JPH1: variants seen among roughly 807,000 people sequenced by gnomAD.
JPH1 encodes junctophilin-1.
Under a neutral mutation model 53.6 loss-of-function variants are expected in JPH1, and 12 were observed. The ratio of observed to expected loss-of-function variants is 0.22; its 90% CI spans 0.14 to 0.36. The LOEUF (loss-of-function observed/expected upper bound fraction) is 0.36. Ranked by LOEUF, JPH1 falls within the 10% of genes least tolerant of loss-of-function variation. JPH1 has a pLI of 1.00. For synonymous variants in JPH1, 375 were observed against 363.8 expected, an observed-to-expected ratio of 1.03 and a Z score of -0.35; for missense variants, 808 against 905.5, an observed-to-expected ratio of 0.89 and a Z score of 1.38.
In JPH1 at chr8:74,255,098, G is replaced by A. The variant is rs1170227514; in HGVS notation, c.1258+4287C>T. On this transcript the variant is annotated intron_variant, in intron 3 of 5. Transcript: ENST00000342232. ...GCCTGCATTGCCAAGTCAATCCTAA[G>A]CCAAAAGAACAAAGCTGGAGGCATC... Among the ~76,000 whole-genome samples, 9 of 152,106 alleles carry A rather than the reference G, an allele frequency of 5.9e-5. No homozygotes were observed. The East Asian group carries it at 1.7e-3, about 29-fold the overall frequency.
chr8:74,316,580 C>T (rs566695836), intron 1 of JPH1, among the ~76,000 whole-genome samples: 149 of 152,298 alleles, frequency 9.8e-4, no homozygotes, highest in Non-Finnish European at 1.8e-3. Flanking sequence ...CTTGGAGAAA[C>T]TGATGTAAGG....
chr8:74,241,245 G>T (rs1805683779), intron 4 of JPH1, among the ~76,000 whole-genome samples: 1 of 152,098 alleles, frequency 6.6e-6, no homozygotes, highest in African/African-American at 2.4e-5. Flanking sequence ...TAAAAATCCG[G>T]GATGCTCTGT....
Position 74,320,922 on chromosome 8 carries a change from G to C in JPH1, c.366C>G (p.Thr122=). The change falls in exon 1 of 6, where the codon ACC becomes ACG. Residue 122 remains threonine (T), a synonymous_variant. Transcript: ENST00000342232. The surrounding 1 kb of genome is among the most constrained non-coding windows in gnomAD (Gnocchi z 4.4). ...NGLQDGYGVE[T]YGDGGTYQGQ... is the part of the protein sequence containing the mutation. ...TACGCCGCTCACCTCCGTCCCCGTA[G>C]GTCTCCACGCCGTACCCGTCTTGCA... 6.3e-7 allele frequency: 1 copy of C among 1,574,950 alleles called. No homozygotes were observed. The highest frequency in any genetic ancestry group is 8.6e-7 in the Non-Finnish European group (1 of 1,161,308).
intron 2 of JPH1, among the ~76,000 whole-genome samples, chr8:74,287,020 C>T (rs1412296382): frequency 6.6e-6 from 1 of 152,202 alleles, no homozygotes; most frequent in African/African-American, 2.4e-5. Flanking sequence ...GAACCCTAGG[C>T]TAACAGGGAG....
chr8:74,266,595 G>A (rs1806539495), intron 2 of JPH1, among the ~76,000 whole-genome samples: 1 of 152,158 alleles, frequency 6.6e-6, no homozygotes, highest in African/African-American at 2.4e-5. Context: ...TTTGCAAGAT[G>A]AAAATGTTCT....
chr8:74,267,402 G>T (rs2977046), intron 2 of JPH1, among the ~76,000 whole-genome samples: 38,250 of 152,090 alleles, frequency 0.25, 5,277 homozygotes, highest in South Asian at 0.41. Context: ...TCTTGTTCTT[G>T]CATAAATCCT....
At chr8:74,302,031 C>T (rs1338281289) in intron 2 of JPH1, among the ~76,000 whole-genome samples, 1 of 152,198 alleles carries the variant, frequency 6.6e-6, no homozygotes, top group Admixed American at 6.5e-5. Flanking sequence ...TTTCCTATGC[C>T]TCAGTTTCCT....
chr8:74,281,524 A>G (rs1267100463), intron 2 of JPH1, among the ~76,000 whole-genome samples: 1 of 152,250 alleles, frequency 6.6e-6, no homozygotes, highest in Non-Finnish European at 1.5e-5. Flanking sequence ...GTACTTTTTA[A>G]GAAACAAGTT....
intron 2 of JPH1, among the ~76,000 whole-genome samples, chr8:74,273,483 G>A (rs923189688): frequency 1.6e-4 from 25 of 152,176 alleles, no homozygotes; most frequent in African/African-American, 4.8e-4. Flanking sequence ...AAAAAACTTC[G>A]GGAATGAATA....
intron 2 of JPH1, among the ~76,000 whole-genome samples, chr8:74,278,661 C>T (rs1439909645): frequency 6.6e-6 from 1 of 152,164 alleles, no homozygotes; most frequent in Non-Finnish European, 1.5e-5. Flanking sequence ...CGGACTAATG[C>T]ACTTATGTAC....
intron 1 of JPH1, among the ~76,000 whole-genome samples, chr8:74,318,023 CAGA>C (rs922329584): frequency 6.6e-6 from 1 of 152,164 alleles, no homozygotes; most frequent in Admixed American, 6.5e-5. Context: ...AATTCCTCCA[CAGA>C]ATTGCTAGAA....
At chr8:74,304,447 G>A (rs1176634610) in intron 2 of JPH1, among the ~76,000 whole-genome samples, 1 of 152,164 alleles carries the variant, frequency 6.6e-6, no homozygotes, top group Admixed American at 6.5e-5. Flanking sequence ...GTCTGGGGCT[G>A]GTGGGTGAAA....
Position 74,238,001 on chromosome 8 carries a change from G to A in JPH1, c.1906-698C>T, listed in dbSNP as rs116552866. Among the ~76,000 whole-genome samples the A allele has an allele frequency of 8.9e-3, 1,347 of 152,104 alleles. 24 individuals are homozygous for A. The highest frequency in any genetic ancestry group is 0.031 in the African/African-American group (1,277 of 41,466). On this transcript the variant is annotated intron_variant, in intron 4 of 5. Transcript: ENST00000342232. ...AATAAATACCAGATAGTTGTCCAAG[G>A]GCCCCAAATTTTTACTTGTTTAAAC...
At chr8:74,245,521 C>T (rs1172654737) in intron 3 of JPH1, among the ~76,000 whole-genome samples, 1 of 152,110 alleles carries the variant, frequency 6.6e-6, no homozygotes, top group African/African-American at 2.4e-5. Flanking sequence ...TATACTTGTA[C>T]AAGGAAGTAA....
At chr8:74,313,819 A>C (rs1808062942) in intron 2 of JPH1, among the ~76,000 whole-genome samples, 1 of 152,260 alleles carries the variant, frequency 6.6e-6, no homozygotes, top group Non-Finnish European at 1.5e-5. Flanking sequence ...TTCAAGTCTT[A>C]CAAAGCTGTG....
At chr8:74,268,271 T>C (rs1259798535) in intron 2 of JPH1, among the ~76,000 whole-genome samples, 1 of 152,188 alleles carries the variant, frequency 6.6e-6, no homozygotes, top group African/African-American at 2.4e-5. Flanking sequence ...GTCAGCACTG[T>C]ACAGAAGTTC....
intron 2 of JPH1, among the ~76,000 whole-genome samples, chr8:74,310,078 A>C (rs1157926830): frequency 6.6e-6 from 1 of 152,140 alleles, no homozygotes; most frequent in Non-Finnish European, 1.5e-5. Context: ...CAAAGGAAAG[A>C]CCATGGAGCC....
intron 3 of JPH1, 99 bp from the exon 4 acceptor site, chr8:74,245,274 T>C (rs1805825214): frequency 9.7e-7 from 1 of 1,035,146 alleles, no homozygotes; most frequent in East Asian, 2.8e-5. Flanking sequence ...AAATAATATA[T>C]TCATAAGGCT....
Position 74,244,734 on chromosome 8 carries a change from A to C in JPH1, c.1700T>G (p.Val567Gly), listed in dbSNP as rs769689897. The change falls in exon 4 of 6, where the codon GTG becomes GGG. Residue 567 changes from valine to glycine, a missense_variant. Coordinates refer to ENST00000342232, the MANE Select transcript of JPH1 (RefSeq NM_020647.4). ...CTGGCTGGATCCATCGCCGTCCTCC[A>C]CGTCTACTGGAGGGTGCTGGGGGGC... The part of the protein sequence containing the change: ...LNAPQHPPVD[V>G]EDGDGSSQSS... The C allele has an allele frequency of 1.2e-6, 2 of 1,613,968 alleles. No individual in the cohort carries two copies. Among genetic ancestry groups the C allele is most frequent in the Non-Finnish European group, 1.7e-6 (2 of 1,180,006 alleles).
Sources: allele counts gnomAD v4.1 joint callset (sites outside exome capture counted in the v4.1 genomes callset), GRCh38; gene constraint gnomAD v4.1.1; non-coding constraint Gnocchi (gnomAD v3.1); transcripts MANE v1.5; gene names NCBI Gene and HGNC (gene_info 2026-07-23, HGNC 2026-07-21).